The following GRID1 variants were observed in gnomAD, a reference collection of about 807,000 sequenced individuals.
GRID1 encodes glutamate receptor ionotropic, delta-1.
GRID1 carries 28 observed loss-of-function variants against 98.0 expected under a neutral mutation model. That is an observed-to-expected ratio of 0.29 (90% CI 0.21 to 0.39). The LOEUF (loss-of-function observed/expected upper bound fraction) is 0.39. Among genes scored for constraint, GRID1 ranks in the 10% least tolerant of loss-of-function variants. The pLI, the probability that GRID1 is intolerant of heterozygous loss-of-function variation, is 1.00. For missense variants in GRID1, 1,111 were observed against 1,340.5 expected, an observed-to-expected ratio of 0.83 and a Z score of 2.67; for synonymous variants, 553 against 538.5, an observed-to-expected ratio of 1.03 and a Z score of -0.37.
At chr10:86,296,784 CACATACATACAT>C (rs3061904) in intron 2 of GRID1, among the ~76,000 whole-genome samples, 23,625 of 150,596 alleles carry the variant, frequency 0.16, 2,622 homozygotes, top group African/African-American at 0.31. Context: ...CATACATACA[CACATACATACAT>C]ACATACATAC....
At chr10:86,341,786 C>T (rs1848314941) in intron 2 of GRID1, among the ~76,000 whole-genome samples, 1 of 152,208 alleles carries the variant, frequency 6.6e-6, no homozygotes, top group African/African-American at 2.4e-5. Flanking sequence ...GGGCCTGGAC[C>T]GAGTGGCTTC....
chr10:86,061,839 C>G (rs900083386), intron 4 of GRID1, among the ~76,000 whole-genome samples: 9 of 152,120 alleles, frequency 5.9e-5, no homozygotes, highest in Non-Finnish European at 1.2e-4. Flanking sequence ...TGTTGTTGTT[C>G]TGTTTGGTTT....
At chr10:86,080,062 G>A (rs866533964) in intron 4 of GRID1, among the ~76,000 whole-genome samples, 2 of 152,070 alleles carry the variant, frequency 1.3e-5, no homozygotes, top group African/African-American at 4.8e-5. Flanking sequence ...GGCCTGGCAC[G>A]GTGGCTCACG....
intron 6 of GRID1, among the ~76,000 whole-genome samples, chr10:85,860,749 C>G (rs1843156677): frequency 6.6e-6 from 1 of 152,248 alleles, no homozygotes; most frequent in Non-Finnish European, 1.5e-5. Flanking sequence ...TGCGTGGATA[C>G]AGCAAGCACT....
chr10:86,053,765 G>A (rs886184912), intron 4 of GRID1, among the ~76,000 whole-genome samples: 3 of 152,294 alleles, frequency 2.0e-5, no homozygotes, highest in Non-Finnish European at 4.4e-5. Flanking sequence ...GAAAGATGCA[G>A]GATTTGAGGC....
chr10:85,864,446 GCTGC>G lies in GRID1; in HGVS notation c.951+4560_951+4563del, dbSNP rs1469739441. ...TTCCTGGGCTCCAAATGCACACATG[GCTGC>G]CTGCAGCCAGAATAGCAGCCAGTTG... On this transcript the variant is annotated intron_variant, in intron 6 of 15. Transcript: ENST00000327946. 2.6e-5 allele frequency among the ~76,000 whole-genome samples: 4 copies of G among 152,358 alleles called. No homozygotes were observed. In the East Asian group the frequency reaches 7.7e-4, roughly 29 times the overall value.
chr10:86,343,171 T>G (rs990513135), intron 2 of GRID1, among the ~76,000 whole-genome samples: 1 of 152,250 alleles, frequency 6.6e-6, no homozygotes, highest in African/African-American at 2.4e-5. Flanking sequence ...CAGAGGGTTA[T>G]TCACCTTCTT....
chr10:85,918,421 G>T (rs149827844), intron 4 of GRID1, among the ~76,000 whole-genome samples: 4 of 151,028 alleles, frequency 2.6e-5, no homozygotes, highest in Admixed American at 6.6e-5. Context: ...CCCAAGGTAT[G>T]TAAAAGCACA....
At chr10:86,274,131 G>A (rs938482320) in intron 2 of GRID1, among the ~76,000 whole-genome samples, 10 of 152,210 alleles carry the variant, frequency 6.6e-5, no homozygotes, top group Admixed American at 6.5e-4. Context: ...TTCTACATAT[G>A]GCTAGCCAGT....
At chr10:85,958,177 G>T (rs1459531826) in intron 4 of GRID1, among the ~76,000 whole-genome samples, 1 of 152,210 alleles carries the variant, frequency 6.6e-6, no homozygotes. Flanking sequence ...AAATATTACT[G>T]CAGTTTGAAT....
chr10:85,847,858 T>G (rs1843021764), intron 8 of GRID1, among the ~76,000 whole-genome samples: 1 of 152,220 alleles, frequency 6.6e-6, no homozygotes, highest in Non-Finnish European at 1.5e-5. Flanking sequence ...CACATATATT[T>G]TTTAATGTCT....
intron 12 of GRID1, among the ~76,000 whole-genome samples, chr10:85,675,807 GAGA>G (rs1308367008): frequency 6.6e-6 from 1 of 152,220 alleles, no homozygotes; most frequent in Non-Finnish European, 1.5e-5. Flanking sequence ...AGGTGTTCAT[GAGA>G]AGGACAGGTT....
chr10:85,762,158 C>T (rs923330407), intron 8 of GRID1, among the ~76,000 whole-genome samples: 1 of 152,216 alleles, frequency 6.6e-6, no homozygotes, highest in Non-Finnish European at 1.5e-5. Context: ...CTATCAAGGG[C>T]TCATGCTGGA....
chr10:85,686,831 T>C (rs550106201), intron 12 of GRID1, among the ~76,000 whole-genome samples: 46 of 152,214 alleles, frequency 3.0e-4, no homozygotes, highest in Middle Eastern at 3.4e-3. Context: ...ACAAAGATAG[T>C]TAATGAGATG....
At chr10:86,291,389 G>C (rs1171689950) in intron 2 of GRID1, among the ~76,000 whole-genome samples, 3 of 152,178 alleles carry the variant, frequency 2.0e-5, no homozygotes, top group African/African-American at 7.2e-5. Flanking sequence ...GGAGCCCAGG[G>C]AAAGCAGAAA....
chr10:85,722,165 C>T (rs1004930098), intron 12 of GRID1, among the ~76,000 whole-genome samples: 5 of 152,018 alleles, frequency 3.3e-5, no homozygotes, highest in African/African-American at 9.7e-5. Flanking sequence ...TGAGTATGGA[C>T]GACTTGATTA....
At chr10:86,354,140 C>G (rs1848501586) in intron 2 of GRID1, among the ~76,000 whole-genome samples, 1 of 152,224 alleles carries the variant, frequency 6.6e-6, no homozygotes, top group African/African-American at 2.4e-5. Flanking sequence ...GAAGGAAGAG[C>G]GCCATGGGGG....
At position 86,078,437 on chromosome 10, in the gene GRID1, G is replaced by A. The variant is rs376940379; in HGVS notation, c.726+60382C>T. 8.5e-5 allele frequency among the ~76,000 whole-genome samples: 13 copies of A among 152,342 alleles called. No homozygotes were observed. The South Asian group carries it at 2.5e-3, about 29-fold the overall frequency. ...CTGCCCTGGGCACAGACAGTGGGTG[G>A]AACGGGTGCTCCGCGGCCTGCAGCA... On this transcript the variant is annotated intron_variant, in intron 4 of 15. Coordinates refer to ENST00000327946, the MANE Select transcript of GRID1 (RefSeq NM_017551.3).
intron 8 of GRID1, among the ~76,000 whole-genome samples, chr10:85,834,514 A>G (rs1043275354): frequency 2.6e-5 from 4 of 152,234 alleles, no homozygotes; most frequent in Non-Finnish European, 4.4e-5. Flanking sequence ...TTTAGGAAGT[A>G]AAAACAACAG....
Sources: allele counts gnomAD v4.1 joint callset (sites outside exome capture counted in the v4.1 genomes callset), GRCh38; gene constraint gnomAD v4.1.1; transcripts MANE v1.5; gene names NCBI Gene and HGNC (gene_info 2026-07-23, HGNC 2026-07-21).